Variants in MACROD2 observed in about 807,000 individuals in gnomAD.
MACROD2 encodes ADP-ribose glycohydrolase MACROD2.
In MACROD2, 36 loss-of-function variants were observed where a neutral mutation model predicts 70.4. That is an observed-to-expected ratio of 0.51 (90% confidence interval 0.39 to 0.68). The LOEUF is 0.68. MACROD2 is among the 30% of genes least tolerant of loss of function. MACROD2 has a pLI of 0.00. For synonymous variants in MACROD2, 172 were observed against 178.8 expected (o/e 0.96, Z 0.30); for missense variants, 496 against 538.4 (o/e 0.92, Z 0.78).
At chr20:15,704,180 C>G (rs1412393050) in intron 8 of MACROD2, among the ~76,000 whole-genome samples, 2 of 151,948 alleles carry the variant, frequency 1.3e-5, no homozygotes, top group African/African-American at 4.8e-5. Context: ...TTTCCTAAAT[C>G]TAACCACCTT....
At chr20:15,429,116 G>A (rs572324503) in intron 6 of MACROD2, among the ~76,000 whole-genome samples, 2 of 152,052 alleles carry the variant, frequency 1.3e-5, no homozygotes, top group Non-Finnish European at 2.9e-5. Flanking sequence ...CTTTCTAATC[G>A]TAACAAATAT....
intron 2 of MACROD2, among the ~76,000 whole-genome samples, chr20:14,038,138 A>G (rs978650725): frequency 6.6e-6 from 1 of 152,092 alleles, no homozygotes; most frequent in African/African-American, 2.4e-5. Context: ...TACTAAAAAT[A>G]CAAAAATTAT....
intron 5 of MACROD2, among the ~76,000 whole-genome samples, chr20:14,904,371 C>A (rs2073933775): frequency 6.6e-6 from 1 of 152,046 alleles, no homozygotes; most frequent in Admixed American, 6.6e-5. Context: ...TATAAAATAT[C>A]TTTTATGATA....
intron 10 of MACROD2, among the ~76,000 whole-genome samples, chr20:15,929,858 A>G (rs896459533): frequency 6.6e-6 from 1 of 152,240 alleles, no homozygotes; most frequent in Non-Finnish European, 1.5e-5. Flanking sequence ...TGCAAACAGT[A>G]CACATTTGAT....
chr20:14,612,170 A>G (rs1983211658), intron 4 of MACROD2, among the ~76,000 whole-genome samples: 1 of 152,184 alleles, frequency 6.6e-6, no homozygotes, highest in Admixed American at 6.6e-5. Context: ...GAAACAAGTT[A>G]AATACAATTA....
At chr20:14,214,808 G>A (rs973588084) in intron 3 of MACROD2, among the ~76,000 whole-genome samples, 3 of 151,726 alleles carry the variant, frequency 2.0e-5, no homozygotes, top group African/African-American at 7.3e-5. Context: ...TTATGCTTTT[G>A]TGTCCTCATA....
intron 5 of MACROD2, chr20:14,757,544 G>A (rs542773117): frequency 4.5e-5 from 36 of 808,510 alleles, no homozygotes; most frequent in Admixed American, 2.7e-4. Flanking sequence ...CCCTGGCCCC[G>A]GACCCTACAG....
intron 3 of MACROD2, among the ~76,000 whole-genome samples, chr20:14,356,832 C>T (rs1353091490): frequency 2.0e-5 from 3 of 152,078 alleles, no homozygotes; most frequent in Admixed American, 6.5e-5. Context: ...AGAGACCTCA[C>T]GCACGGCTGG....
At chr20:14,433,506 T>C (rs1306919871) in intron 3 of MACROD2, among the ~76,000 whole-genome samples, 3 of 152,178 alleles carry the variant, frequency 2.0e-5, no homozygotes, top group African/African-American at 7.2e-5. Flanking sequence ...ACCCAAGTAC[T>C]TCAAGATAGA....
intron 7 of MACROD2, among the ~76,000 whole-genome samples, chr20:15,472,681 C>G (rs1223664071): frequency 6.6e-6 from 1 of 152,112 alleles, no homozygotes; most frequent in Non-Finnish European, 1.5e-5. Flanking sequence ...TCCCCTCTTG[C>G]TATCATCCAA....
chr20:15,045,818 A>G (rs921022623), intron 5 of MACROD2, among the ~76,000 whole-genome samples: 1 of 140,672 alleles, frequency 7.1e-6, no homozygotes, highest in African/African-American at 2.6e-5. Flanking sequence ...GTTATAACTG[A>G]GGGAACTTCA....
At chr20:15,348,980 AC>A (rs1453558217) in intron 6 of MACROD2, among the ~76,000 whole-genome samples, 2 of 152,222 alleles carry the variant, frequency 1.3e-5, no homozygotes, top group Non-Finnish European at 2.9e-5. Flanking sequence ...AGAGAAAAAA[AC>A]ATTCTGCTTT....
chr20:14,953,989 A>G (rs2074497107), intron 5 of MACROD2, among the ~76,000 whole-genome samples: 1 of 152,086 alleles, frequency 6.6e-6, no homozygotes, highest in Non-Finnish European at 1.5e-5. Context: ...CTTCAGTTTG[A>G]TTGTTAACCC....
chr20:14,049,587 A>G (rs1028509287), intron 2 of MACROD2, among the ~76,000 whole-genome samples: 4 of 151,066 alleles, frequency 2.6e-5, no homozygotes, highest in African/African-American at 9.7e-5. Flanking sequence ...CTAAAAAAAA[A>G]AAAAAAAATA....
intron 5 of MACROD2, among the ~76,000 whole-genome samples, chr20:14,875,053 T>C (rs2073533983): frequency 6.6e-6 from 1 of 151,984 alleles, no homozygotes; most frequent in African/African-American, 2.4e-5. Flanking sequence ...ACAAAAGAGA[T>C]ATATTGACTT....
chr20:14,439,066 A>G (rs559204499), intron 3 of MACROD2, among the ~76,000 whole-genome samples: 2 of 152,150 alleles, frequency 1.3e-5, no homozygotes, highest in Non-Finnish European at 2.9e-5. Context: ...ATTTGTTTTG[A>G]TTTGATTTTT....
intron 10 of MACROD2, among the ~76,000 whole-genome samples, chr20:15,918,078 G>T (rs1318150491): frequency 1.3e-5 from 2 of 152,150 alleles, no homozygotes; most frequent in Non-Finnish European, 2.9e-5. Context: ...AAGGGTCAAT[G>T]AATCAGGTAT....
In MACROD2 at chr20:14,049,931, A is replaced by G. The variant is rs8184314; in HGVS notation, c.164-35690A>G. Among the ~76,000 whole-genome samples, 920 of 151,772 alleles carry G rather than the reference A, an allele frequency of 6.1e-3. 51 individuals carry two copies. In the East Asian group the frequency reaches 0.14, roughly 23 times the overall value. On this transcript the variant is annotated intron_variant, in intron 2 of 17. Transcript: ENST00000684519. ...AAACTCTGTCTCTACTAAAAATACA[A>G]AAATTAGCTGGGCGTGGTGGCAGGT... is the stretch of plus-strand genomic sequence containing the variant.
At chr20:14,055,973 C>A (rs1161290350) in intron 2 of MACROD2, among the ~76,000 whole-genome samples, 1 of 152,002 alleles carries the variant, frequency 6.6e-6, no homozygotes, top group Non-Finnish European at 1.5e-5. Context: ...TTAATAAGAA[C>A]CCCAGACTGT....
Sources: gnomAD v4.1 joint callset for allele counts (sites outside exome capture counted in the v4.1 genomes callset) on GRCh38, gnomAD v4.1.1 for gene constraint, MANE v1.5 for transcripts, NCBI Gene and HGNC (gene_info 2026-07-23, HGNC 2026-07-21) for gene names.